The following CXADR variants were observed in gnomAD, a reference collection of about 807,000 sequenced individuals.
CXADR encodes the protein coxsackievirus and adenovirus receptor.
CXADR carries 20 observed loss-of-function variants against 40.3 expected under a neutral mutation model. That is an observed-to-expected ratio of 0.50 (90% CI 0.35 to 0.72). The LOEUF (loss-of-function observed/expected upper bound fraction) is 0.72. CXADR is among the 30% of genes least tolerant of loss of function. The pLI is 0.01. For missense variants in CXADR, 332 were observed against 449.1 expected (o/e 0.74, Z 2.36); for synonymous variants, 150 against 161.3 (o/e 0.93, Z 0.53).
At chr21:17,517,625 A>G (rs2060477260) in intron 1 of CXADR, among the ~76,000 whole-genome samples, 1 of 152,252 alleles carries the variant, frequency 6.6e-6, no homozygotes, top group African/African-American at 2.4e-5. Context: ...TAGCAAGCAC[A>G]TGCTAGCTAT....
chr21:17,523,785 T>G (rs1244597714), intron 1 of CXADR, among the ~76,000 whole-genome samples: 1 of 152,176 alleles, frequency 6.6e-6, no homozygotes. Context: ...TAACTTCTGT[T>G]TCTTAAGAAA....
the CXADR span, among the ~76,000 whole-genome samples, chr21:17,630,994 G>T: frequency 2.0e-5 from 3 of 152,068 alleles, no homozygotes; most frequent in African/African-American, 7.2e-5. Flanking sequence ...AGAGAGATAA[G>T]GCAACTCCCT....
At chr21:17,570,873 T>TTA (rs1396404123), downstream of CXADR, among the ~76,000 whole-genome samples, 2 of 152,184 alleles carry the variant, frequency 1.3e-5, no homozygotes, top group Non-Finnish European at 1.5e-5. Context: ...AATATTGTGT[T>TTA]TATACTAGGG....
Position 17,567,981 on chromosome 21 carries a change from C to A in CXADR, c.*2289C>A. 1 of 984,750 alleles carries A rather than the reference C, an allele frequency of 1.0e-6. No homozygotes were observed. Among genetic ancestry groups the A allele is most frequent in the Non-Finnish European group, 1.2e-6 (1 of 829,736 alleles). The allele number at this position is 984,750 out of a possible 1,614,324, so 61.0% of individuals were successfully genotyped here. On this transcript the variant is annotated 3_prime_UTR_variant, in exon 7 of 7. Coordinates refer to ENST00000284878, the MANE Select transcript of CXADR (RefSeq NM_001338.5). Reference sequence around the variant, plus strand: ...TAAAATTCTGTCAGCCAAATAGTACCAATACGTTTTCAAGTAGTTCTCACT... The same window carrying A: ...TAAAATTCTGTCAGCCAAATAGTACAAATACGTTTTCAAGTAGTTCTCACT...
intron 6 of CXADR, among the ~76,000 whole-genome samples, chr21:17,562,832 T>C (rs537279234): frequency 6.6e-6 from 1 of 152,358 alleles, no homozygotes; most frequent in East Asian, 1.9e-4. Flanking sequence ...TTAACCAGCC[T>C]CTGTTAGCTT....
chr21:17,609,181 AAAAC>A, the CXADR span: 1 of 1,589,382 alleles, frequency 6.3e-7, no homozygotes, highest in Non-Finnish European at 8.5e-7. Flanking sequence ...TTTTCTCAGA[AAAAC>A]AAAATATAAA....
chr21:17,587,096 C>G (rs2061402634), intron 7 of CXADR, among the ~76,000 whole-genome samples: 1 of 152,118 alleles, frequency 6.6e-6, no homozygotes, highest in African/African-American at 2.4e-5. Flanking sequence ...GCATAGTATC[C>G]CATGGTGTAT....
In CXADR at chr21:17,558,247, G is replaced by C. The variant is rs28590674; in HGVS notation, c.416-729G>C. ...GGTCTCAAGTCATCCTCCTACCCCA[G>C]CCTCCCAAGTAGCTACGACCACAGG... On this transcript the variant is annotated intron_variant, in intron 3 of 6. Transcript: ENST00000284878. 8.4e-3 allele frequency among the ~76,000 whole-genome samples: 1,273 copies of C among 151,966 alleles called. 22 individuals are homozygous for C. Among genetic ancestry groups the C allele is most frequent in the African/African-American group, 0.029 (1,216 of 41,412 alleles).
chr21:17,598,560 GA>G, downstream of CXADR: 2 of 1,466,880 alleles, frequency 1.4e-6, no homozygotes, highest in Non-Finnish European at 9.4e-7. Context: ...AGGACTACCT[GA>G]AAGGTCCTGG....
In CXADR at chr21:17,569,397, A is replaced by G. The variant is rs559274686; in HGVS notation, c.*3705A>G. The stretch of plus-strand genomic sequence containing the variant: ...ATATATATGTACATATATCTTTATA[A>G]CATTCCTGTGTTTAGTAGTGTAAAT... On this transcript the variant is annotated 3_prime_UTR_variant, in exon 7 of 7. Transcript: ENST00000284878. 6,081 of 984,506 alleles carry G rather than the reference A, an allele frequency of 6.2e-3. 17 individuals are homozygous for G. Among genetic ancestry groups the G allele is most frequent in the Middle Eastern group, 0.013 (25 of 1,912 alleles). 61.0% of individuals were successfully genotyped at this position (984,506 alleles called of 1,614,324 possible).
chr21:17,611,076 C>CACGT, the CXADR span, among the ~76,000 whole-genome samples: 7 of 152,318 alleles, frequency 4.6e-5, no homozygotes, highest in Admixed American at 4.6e-4. Context: ...CACGAGTGTA[C>CACGT]ACGTATACAT....
chr21:17,551,645 G>T, intron 2 of CXADR, 104 bp from the exon 3 acceptor site: 1 of 905,004 alleles, frequency 1.1e-6, no homozygotes, highest in Non-Finnish European at 1.7e-6. Context: ...TCTTTTCTGG[G>T]AGGGGGCGTT....
At chr21:17,604,369 C>T in the CXADR span, 4 of 197,608 alleles carry the variant, frequency 2.0e-5, no homozygotes, top group Non-Finnish European at 4.3e-5. Flanking sequence ...CACTTGAACC[C>T]GGCAGGCAGA....
the CXADR span, among the ~76,000 whole-genome samples, chr21:17,633,981 T>C: frequency 1.3e-5 from 2 of 152,332 alleles, no homozygotes; most frequent in Non-Finnish European, 2.9e-5. Flanking sequence ...ATTCGAATTC[T>C]CAAACCTTCA....
At chr21:17,592,406 T>A (rs956717154) in intron 7 of CXADR, among the ~76,000 whole-genome samples, 14 of 149,478 alleles carry the variant, frequency 9.4e-5, no homozygotes, top group African/African-American at 1.2e-4. Flanking sequence ...TGTATTTTTT[T>A]AATTTTTGAG....
intron 1 of CXADR, among the ~76,000 whole-genome samples, chr21:17,540,702 G>C (rs1026962061): frequency 6.6e-6 from 1 of 152,172 alleles, no homozygotes; most frequent in Non-Finnish European, 1.5e-5. Context: ...CATATGAGCT[G>C]TTCAGTTATG....
chr21:17,597,488 T>C (rs2061519176), downstream of CXADR, among the ~76,000 whole-genome samples: 1 of 151,590 alleles, frequency 6.6e-6, no homozygotes, highest in South Asian at 2.1e-4. Flanking sequence ...TCTGGAAGGA[T>C]ACTAAAAAAA....
intron 1 of CXADR, chr21:17,542,909 G>A (rs894531249): frequency 1.1e-5 from 2 of 184,488 alleles, no homozygotes; most frequent in African/African-American, 4.8e-5. Context: ...TGTAATTTGT[G>A]TCTGTTGCGT....
chr21:17,534,100 A>ATATTTT (rs1179683085), intron 1 of CXADR, among the ~76,000 whole-genome samples: 11 of 60,072 alleles, frequency 1.8e-4, no homozygotes, highest in African/African-American at 8.0e-4. Flanking sequence ...ATATATATAT[A>ATATTTT]TTTTTTTTTT....
Sources: gnomAD v4.1 joint callset for allele counts (sites outside exome capture counted in the v4.1 genomes callset) on GRCh38, gnomAD v4.1.1 for gene constraint, MANE v1.5 for transcripts, NCBI Gene and HGNC (gene_info 2026-07-23, HGNC 2026-07-21) for gene names.